The following WWOX variants were observed in gnomAD, a reference collection of about 807,000 sequenced individuals.
WWOX encodes the protein WW domain-containing oxidoreductase.
Under a neutral mutation model 46.2 loss-of-function variants are expected in WWOX, and 69 were observed. The ratio of observed to expected loss-of-function variants is 1.49; its 90% CI spans 1.23 to 1.82. The LOEUF is 1.82. WWOX is among the 40% of genes most tolerant of loss of function. The pLI is 0.00. For synonymous variants in WWOX, 359 were observed against 202.6 expected, an observed-to-expected ratio of 1.77 and a Z score of -6.56; for missense variants, 919 against 542.6, an observed-to-expected ratio of 1.69 and a Z score of -6.89.
intron 5 of WWOX, among the ~76,000 whole-genome samples, chr16:78,221,570 GA>G (rs894473106): frequency 6.6e-6 from 1 of 152,150 alleles, no homozygotes; most frequent in African/African-American, 2.4e-5. Context: ...GGAAGAAAAA[GA>G]GAAGTAGATA....
chr16:78,306,290 T>G (rs1255234912), intron 5 of WWOX, among the ~76,000 whole-genome samples: 2 of 152,304 alleles, frequency 1.3e-5, no homozygotes, highest in East Asian at 3.9e-4. Context: ...AATTACAGTA[T>G]ACGATTCTAG....
In WWOX at chr16:78,371,509, C is replaced by G. The variant is rs545678911; in HGVS notation, c.517-15351C>G. Among the ~76,000 whole-genome samples the G allele has an allele frequency of 9.4e-5, 14 of 149,268 alleles. No homozygotes were observed. The South Asian group carries it at 2.3e-3, about 25-fold the overall frequency. On this transcript the variant is annotated intron_variant, in intron 5 of 8. Coordinates refer to ENST00000566780, the MANE Select transcript of WWOX (RefSeq NM_016373.4). Reference sequence around the variant, plus strand: ...TTTAATGGTCTGTTGACCATTTTATCTAAATATTCCATTTTGTCTTTTACT... The same window carrying G: ...TTTAATGGTCTGTTGACCATTTTATGTAAATATTCCATTTTGTCTTTTACT...
intron 8 of WWOX, among the ~76,000 whole-genome samples, chr16:78,644,710 G>A (rs774205453): frequency 6.6e-6 from 1 of 152,142 alleles, no homozygotes; most frequent in Admixed American, 6.6e-5. Flanking sequence ...TGATCTGCCC[G>A]CCTTTGCCTC....
At chr16:78,332,721 A>G (rs1440777083) in intron 5 of WWOX, among the ~76,000 whole-genome samples, 2 of 152,218 alleles carry the variant, frequency 1.3e-5, no homozygotes, top group East Asian at 1.9e-4. Flanking sequence ...TAATAATGTC[A>G]TGATGACTGA....
rs111834449 is a variant in WWOX, at chr16:78,168,728, G to A, written c.516+4439G>A. ...GGAAGCCACTCTGATCTACCCTGTC[G>A]TCTCTTTATATTCAAGATATCCTTT... On this transcript the variant is annotated intron_variant, in intron 5 of 8. Transcript: ENST00000566780. Among the ~76,000 whole-genome samples the A allele has an allele frequency of 9.0e-3, 1,370 of 152,184 alleles. 8 individuals carry two copies. Among genetic ancestry groups the A allele is most frequent in the Middle Eastern group, 0.02 (6 of 294 alleles).
chr16:78,623,056 G>A (rs1002235128), intron 8 of WWOX, among the ~76,000 whole-genome samples: 32 of 151,964 alleles, frequency 2.1e-4, no homozygotes, highest in African/African-American at 6.0e-4. Context: ...CAACCTAAGG[G>A]AGCTTGAAGG....
At position 78,143,695 on chromosome 16, in the gene WWOX, A is replaced by G. The variant is rs1024321234; in HGVS notation, c.410-20488A>G. ...ATGTTTCCTATATAAGGATTCCTCT[A>G]ATAAGTTTTCAGAATTATTAAGAAA... On this transcript the variant is annotated intron_variant, in intron 4 of 8. Transcript: ENST00000566780. Among the ~76,000 whole-genome samples, 5 of 150,884 alleles carry G rather than the reference A, an allele frequency of 3.3e-5. No individual in the cohort carries two copies. In the South Asian group the frequency reaches 8.3e-4, roughly 25 times the overall value.
chr16:78,203,943 AT>A (rs1307518750), intron 5 of WWOX, among the ~76,000 whole-genome samples: 2 of 152,194 alleles, frequency 1.3e-5, no homozygotes, highest in Non-Finnish European at 2.9e-5. Flanking sequence ...GCTGCCTTGA[AT>A]TCTTTCCAAT....
intron 8 of WWOX, among the ~76,000 whole-genome samples, chr16:78,675,523 C>A (rs1263216477): frequency 1.3e-5 from 2 of 152,152 alleles, no homozygotes. Flanking sequence ...CTCATTTAAC[C>A]ATTTCACAAA....
At chr16:79,200,726 C>A (rs931353093) in intron 8 of WWOX, among the ~76,000 whole-genome samples, 3 of 152,090 alleles carry the variant, frequency 2.0e-5, no homozygotes, top group African/African-American at 7.2e-5. Context: ...ATGAAAAACT[C>A]TGGATGATTT....
intron 5 of WWOX, among the ~76,000 whole-genome samples, chr16:78,286,109 A>G (rs1459339056): frequency 1.3e-5 from 2 of 152,206 alleles, no homozygotes; most frequent in African/African-American, 4.8e-5. Context: ...TGCTAACGGA[A>G]ATATTTCCAT....
At chr16:78,971,932 A>G (rs1567449466) in intron 8 of WWOX, among the ~76,000 whole-genome samples, 1 of 152,294 alleles carries the variant, frequency 6.6e-6, no homozygotes, top group Admixed American at 6.5e-5. Context: ...ATGAGGATCC[A>G]TCGGGAGCCT....
At chr16:78,328,988 A>T (rs2080698119) in intron 5 of WWOX, among the ~76,000 whole-genome samples, 1 of 151,836 alleles carries the variant, frequency 6.6e-6, no homozygotes, top group Admixed American at 6.6e-5. Flanking sequence ...CAGCCTCCCG[A>T]GTACCTGGGA....
chr16:79,072,001 C>T (rs1373768305), intron 8 of WWOX, among the ~76,000 whole-genome samples: 5 of 152,114 alleles, frequency 3.3e-5, no homozygotes, highest in South Asian at 2.1e-4. Flanking sequence ...AATGCTTATA[C>T]GCCGGCCATG....
At chr16:78,376,646 G>C (rs544147367) in intron 5 of WWOX, among the ~76,000 whole-genome samples, 1 of 152,264 alleles carries the variant, frequency 6.6e-6, no homozygotes, top group African/African-American at 2.4e-5. Flanking sequence ...TGTTCTGTTC[G>C]TTGTAAGATA....
Position 78,782,266 on chromosome 16 carries a change from C to T in WWOX, c.1056+349514C>T, listed in dbSNP as rs530374055. Among the ~76,000 whole-genome samples the T allele has an allele frequency of 1.8e-4, 28 of 152,278 alleles. No homozygotes were observed. The South Asian group carries it at 4.4e-3, about 24-fold the overall frequency. On this transcript the variant is annotated intron_variant, in intron 8 of 8. Transcript: ENST00000566780. ...TGGCTTCTGTCTTCCCTCTAGTGACCGCTGTCTTTACCTTCAGCTGCACGA... is the reference window on the plus strand; with the variant it reads ...TGGCTTCTGTCTTCCCTCTAGTGACTGCTGTCTTTACCTTCAGCTGCACGA...
intron 8 of WWOX, among the ~76,000 whole-genome samples, chr16:78,989,681 A>C (rs2046845736): frequency 6.6e-6 from 1 of 152,156 alleles, no homozygotes; most frequent in South Asian, 2.1e-4. Context: ...GTTAGGGAGC[A>C]GAGAGCATGA....
chr16:78,191,758 C>T (rs1433546940), intron 5 of WWOX, among the ~76,000 whole-genome samples: 1 of 152,092 alleles, frequency 6.6e-6, no homozygotes, highest in African/African-American at 2.4e-5. Flanking sequence ...AATGGCATTG[C>T]AGAGTGGGAG....
At chr16:78,295,734 A>G (rs137873784) in intron 5 of WWOX, among the ~76,000 whole-genome samples, 85 of 152,250 alleles carry the variant, frequency 5.6e-4, no homozygotes, top group African/African-American at 1.9e-3. Context: ...ACAAACAAAC[A>G]AACAAACAAA....
Sources: gnomAD v4.1 joint callset for allele counts (sites outside exome capture counted in the v4.1 genomes callset) on GRCh38, gnomAD v4.1.1 for gene constraint, MANE v1.5 for transcripts, NCBI Gene and HGNC (gene_info 2026-07-23, HGNC 2026-07-21) for gene names.